The following SOX5 variants were observed in gnomAD, a reference collection of about 807,000 sequenced individuals.
SOX5 encodes the protein transcription factor SOX-5.
A neutral mutation model predicts 92.0 loss-of-function variants in SOX5; 9 were observed. That is an observed-to-expected ratio of 0.10 (90% confidence interval 0.06 to 0.17). The LOEUF (loss-of-function observed/expected upper bound fraction) is 0.17. Ranked by LOEUF, SOX5 falls within the 10% of genes least tolerant of loss-of-function variation. SOX5 has a pLI of 1.00. For missense variants in SOX5, 642 were observed against 944.5 expected (o/e 0.68, Z 4.20); for synonymous variants, 344 against 336.3 (o/e 1.02, Z -0.25).
intron 10 of SOX5, among the ~76,000 whole-genome samples, chr12:23,574,045 T>C (rs1003029674): frequency 1.3e-5 from 2 of 151,582 alleles, no homozygotes; most frequent in Non-Finnish European, 2.9e-5. Flanking sequence ...TAGTATCTAA[T>C]GCAATACCAG....
At chr12:24,508,273 A>G (rs1948989630) in intron 1 of SOX5, among the ~76,000 whole-genome samples, 1 of 152,212 alleles carries the variant, frequency 6.6e-6, no homozygotes, top group Admixed American at 6.5e-5. Context: ...AAGCTCAGTG[A>G]GAAGCCTACT....
chr12:24,227,539 AAT>A (rs1457267219), intron 3 of SOX5: 2 of 152,218 alleles, frequency 1.3e-5, no homozygotes, highest in African/African-American at 2.4e-5. Flanking sequence ...ATTGACTGTT[AAT>A]ACCAGGTTTT....
intron 4 of SOX5, among the ~76,000 whole-genome samples, chr12:23,986,462 C>T (rs957062516): frequency 4.6e-5 from 7 of 152,082 alleles, no homozygotes; most frequent in African/African-American, 1.7e-4. Flanking sequence ...TTATCAATAT[C>T]AAGTTAAGGT....
intron 6 of SOX5, among the ~76,000 whole-genome samples, chr12:23,695,889 C>T (rs1353831137): frequency 4.8e-5 from 6 of 124,746 alleles, no homozygotes; most frequent in African/African-American, 9.2e-5. Flanking sequence ...TGCAGTGAGC[C>T]GAGATTGCGC....
At chr12:23,789,986 G>T (rs1318441889) in intron 3 of SOX5, among the ~76,000 whole-genome samples, 1 of 152,104 alleles carries the variant, frequency 6.6e-6, no homozygotes, top group Non-Finnish European at 1.5e-5. Flanking sequence ...AAATATCACA[G>T]AATGCTTTTT....
intron 3 of SOX5, among the ~76,000 whole-genome samples, chr12:24,219,253 G>T (rs1313788048): frequency 6.6e-6 from 1 of 151,980 alleles, no homozygotes; most frequent in East Asian, 1.9e-4. Flanking sequence ...ACAATAGGGT[G>T]ACTACAGCTC....
intron 2 of SOX5, among the ~76,000 whole-genome samples, chr12:24,350,458 C>T (rs928178269): frequency 6.6e-6 from 1 of 152,168 alleles, no homozygotes; most frequent in Non-Finnish European, 1.5e-5. Context: ...ATCCTCCCAC[C>T]TCAGCCTTCC....
intron 3 of SOX5, among the ~76,000 whole-genome samples, chr12:23,780,314 G>A (rs555793455): frequency 7.2e-5 from 11 of 151,760 alleles, no homozygotes; most frequent in South Asian, 6.2e-4. Context: ...AAGGAGAACC[G>A]GTAAGTCAAA....
chr12:23,853,129 T>C (rs2096651070), intron 2 of SOX5, among the ~76,000 whole-genome samples: 1 of 149,778 alleles, frequency 6.7e-6, no homozygotes. Context: ...TATATACATA[T>C]ATATATATAT....
At chr12:24,470,946 G>A (rs1216763282) in intron 1 of SOX5, among the ~76,000 whole-genome samples, 3 of 152,152 alleles carry the variant, frequency 2.0e-5, no homozygotes, top group East Asian at 1.9e-4. Flanking sequence ...AAATGGTAGC[G>A]ATTGTTATTA....
chr12:23,787,206 G>A (rs1163648947), intron 3 of SOX5, among the ~76,000 whole-genome samples: 5 of 151,918 alleles, frequency 3.3e-5, no homozygotes, highest in Non-Finnish European at 5.9e-5. Flanking sequence ...GTTTATCTCT[G>A]CACAAACAAC....
chr12:24,412,331 T>C (rs2136805728), intron 1 of SOX5, among the ~76,000 whole-genome samples: 1 of 152,116 alleles, frequency 6.6e-6, no homozygotes, highest in Non-Finnish European at 1.5e-5. Flanking sequence ...TTGCTTTGGA[T>C]ACTTACAGCT....
rs980008317 is a variant in SOX5 at position 23,531,765 on chromosome 12, GTTAA to G, written c.*2450_*2453del. 6.6e-6 allele frequency: 1 copy of G among 151,962 alleles called. No homozygotes were observed. The highest frequency in any genetic ancestry group is 2.4e-5 in the African/African-American group (1 of 41,364). The allele number at this position is 151,962 out of a possible 1,614,324, so 9.4% of individuals were successfully genotyped here. A position where few individuals can be genotyped will look rare whatever the true frequency, so the allele number is the denominator to read the frequency against. Reference sequence around the variant, plus strand: ...ACTAAAATGAGTGATGAGAGCATAAGTTAATTAAGATTGAACACGACCCTCCTAT... The same window carrying G: ...ACTAAAATGAGTGATGAGAGCATAAGTTAAGATTGAACACGACCCTCCTAT... On this transcript the variant is annotated 3_prime_UTR_variant, in exon 15 of 15. Coordinates refer to ENST00000451604, the MANE Select transcript of SOX5 (RefSeq NM_006940.6).
chr12:23,644,803 T>C (rs904552362), intron 7 of SOX5, among the ~76,000 whole-genome samples: 2 of 152,224 alleles, frequency 1.3e-5, no homozygotes, highest in African/African-American at 4.8e-5. Flanking sequence ...GCTAAATTCA[T>C]GCAAACTAGT....
intron 2 of SOX5, among the ~76,000 whole-genome samples, chr12:24,324,130 A>G (rs568070681): frequency 5.3e-4 from 80 of 152,314 alleles, no homozygotes; most frequent in African/African-American, 1.9e-3. Context: ...ATATTTCTTC[A>G]AATTTTATTT....
Position 23,832,286 on chromosome 12 carries a change from A to G in SOX5, c.481+13697T>C, listed in dbSNP as rs574997690. Among the ~76,000 whole-genome samples the G allele has an allele frequency of 3.9e-5, 6 of 152,188 alleles. No individual in the cohort carries two copies. In the South Asian group the frequency reaches 1.0e-3, roughly 26 times the overall value. On this transcript the variant is annotated intron_variant, in intron 3 of 14. Transcript: ENST00000451604. ...TTCATTTAGGCAACTGCCCAACTAC[A>G]TATTTATTTGGGGAAATGTATATAA...
intron 2 of SOX5, among the ~76,000 whole-genome samples, chr12:24,350,255 C>A (rs1406672906): frequency 1.3e-5 from 2 of 152,234 alleles, no homozygotes; most frequent in African/African-American, 4.8e-5. Context: ...CCAGCCAGCA[C>A]AGAGATCTGC....
At chr12:24,289,620 A>AT (rs1226813199) in intron 2 of SOX5, among the ~76,000 whole-genome samples, 2 of 143,096 alleles carry the variant, frequency 1.4e-5, no homozygotes, top group Non-Finnish European at 3.0e-5. Context: ...CGCCCGGCTA[A>AT]TTTTTTTGTA....
intron 1 of SOX5, among the ~76,000 whole-genome samples, chr12:23,897,009 T>G (rs1323577362): frequency 2.0e-5 from 3 of 152,170 alleles, no homozygotes; most frequent in African/African-American, 7.2e-5. Context: ...TTTCCTTTCA[T>G]TAAATTATTC....
Sources: gnomAD v4.1 joint callset for allele counts (sites outside exome capture counted in the v4.1 genomes callset) on GRCh38, gnomAD v4.1.1 for gene constraint, MANE v1.5 for transcripts, NCBI Gene and HGNC (gene_info 2026-07-23, HGNC 2026-07-21) for gene names.